Variants in CLOCK observed in about 807,000 individuals in gnomAD.
The protein encoded by CLOCK is circadian locomoter output cycles protein kaput.
A neutral mutation model predicts 118.4 loss-of-function variants in CLOCK; 43 were observed. That is an observed-to-expected ratio of 0.36 (90% CI 0.28 to 0.47). The LOEUF (loss-of-function observed/expected upper bound fraction) is 0.47. Ranked by LOEUF, CLOCK falls within the 20% of genes least tolerant of loss-of-function variation. The pLI, the probability that CLOCK is intolerant of heterozygous loss-of-function variation, is 1.00. For missense variants in CLOCK, 846 were observed against 999.9 expected (o/e 0.85, Z 2.08); for synonymous variants, 326 against 339.2 (o/e 0.96, Z 0.43).
intron 3 of CLOCK, among the ~76,000 whole-genome samples, chr4:55,484,095 T>C (rs938704109): frequency 6.6e-6 from 1 of 152,198 alleles, no homozygotes; most frequent in Non-Finnish European, 1.5e-5. Flanking sequence ...CAAATGCACC[T>C]TCATGAAAGG....
intron 3 of CLOCK, among the ~76,000 whole-genome samples, chr4:55,485,216 C>T (rs565964731): frequency 2.4e-4 from 37 of 152,306 alleles, no homozygotes; most frequent in African/African-American, 8.9e-4. Flanking sequence ...CCGCCTGCCT[C>T]AGCCTCCCAA....
intron 1 of CLOCK, among the ~76,000 whole-genome samples, chr4:55,538,329 T>C (rs1233525888): frequency 6.6e-6 from 1 of 152,176 alleles, no homozygotes; most frequent in East Asian, 1.9e-4. Flanking sequence ...ATGATGCCGA[T>C]ATTGGAAAAG....
intron 21 of CLOCK, among the ~76,000 whole-genome samples, chr4:55,440,733 G>A (rs113636843): frequency 0.017 from 2,576 of 152,226 alleles, 73 homozygotes; most frequent in African/African-American, 0.058. Context: ...ATGGCTCACT[G>A]GTAAATGTGA....
At chr4:55,512,278 T>C (rs1316383630) in intron 1 of CLOCK, among the ~76,000 whole-genome samples, 1 of 152,140 alleles carries the variant, frequency 6.6e-6, no homozygotes, top group East Asian at 1.9e-4. Context: ...TTTTCACCAT[T>C]CAAATATGTA....
intron 2 of CLOCK, among the ~76,000 whole-genome samples, chr4:55,495,590 C>G (rs996847938): frequency 2.6e-5 from 4 of 152,048 alleles, no homozygotes; most frequent in Non-Finnish European, 5.9e-5. Context: ...CATTCACAAA[C>G]CCCAGGATAA....
chr4:55,435,395 CAA>C lies in CLOCK; in HGVS notation c.*18_*19del, dbSNP rs763690727. The C allele has an allele frequency of 1.9e-6, 3 of 1,613,700 alleles. No homozygotes were observed. The South Asian group carries it at 3.3e-5, about 18-fold the overall frequency. On this transcript the variant is annotated 3_prime_UTR_variant, in exon 23 of 23. Coordinates refer to ENST00000513440, the MANE Select transcript of CLOCK (RefSeq NM_004898.4). ...GGCCATCCCCTTCCTCCCTTGATGT[CAA>C]GAGAGGAAGCACGTGTGCTACTGTG...
chr4:55,521,543 A>G (rs1729845644), intron 1 of CLOCK, among the ~76,000 whole-genome samples: 2 of 152,198 alleles, frequency 1.3e-5, no homozygotes, highest in Admixed American at 1.3e-4. Flanking sequence ...TATAGAGCTC[A>G]CCTTATAGAT....
Position 55,449,415 on chromosome 4 carries a change from C to T in CLOCK, c.1430G>A (p.Arg477Lys). ...GCTTACCTGACTACTAAATGATGAC[C>T]TTCTTTGCACCATCTTCTCATGAGC... ...LPAHEKMVQR[R>K]SSFSSQSINS... The change falls in exon 17 of 23, where the codon AGG (arginine) becomes AAG (lysine). Residue 477 changes from arginine (R) to lysine (K), a missense_variant. By Grantham distance (26) the Arg-to-Lys change is conservative. Transcript: ENST00000513440. 2 of 1,613,832 alleles carry T rather than the reference C, an allele frequency of 1.2e-6. No individual in the cohort carries two copies. The highest frequency in any genetic ancestry group is 1.7e-6 in the Non-Finnish European group (2 of 1,179,852).
rs115933076 is a variant in CLOCK at position 55,461,997 on chromosome 4, A to T, written c.559+1688T>A. Reference sequence around the variant, plus strand: ...AATGACCTACCAAATTTTCTAAGCAATTTTCTCTGTGTTTTAACTTGTGTT... The same window carrying T: ...AATGACCTACCAAATTTTCTAAGCATTTTTCTCTGTGTTTTAACTTGTGTT... On this transcript the variant is annotated intron_variant, in intron 9 of 22. Transcript: ENST00000513440. Among the ~76,000 whole-genome samples the T allele has an allele frequency of 6.4e-4, 97 of 152,084 alleles. No homozygotes were observed. In the Middle Eastern group the frequency reaches 0.01, roughly 16 times the overall value.
intron 1 of CLOCK, among the ~76,000 whole-genome samples, chr4:55,543,087 T>A (rs6853192): frequency 0.41 from 62,792 of 151,692 alleles, 14,518 homozygotes; most frequent in African/African-American, 0.62. Flanking sequence ...TAATTTTTTT[T>A]AAAAAAATTT....
In CLOCK at chr4:55,429,543, AG is replaced by A. The variant is rs1722378539; in HGVS notation, c.*5871del. On this transcript the variant is annotated 3_prime_UTR_variant, in exon 23 of 23. Coordinates refer to ENST00000513440, the MANE Select transcript of CLOCK (RefSeq NM_004898.4). ...AAAGACAGCAAACATTTTTTGTAGA[AG>A]TTTACAGCCTGTATACATTATTCCG... The A allele has an allele frequency of 6.6e-6, 1 of 152,232 alleles. No individual in the cohort carries two copies. Among genetic ancestry groups the A allele is most frequent in the Non-Finnish European group, 1.5e-5 (1 of 68,034 alleles). 9.4% of individuals were successfully genotyped at this position (152,232 alleles called of 1,614,324 possible).
chr4:55,484,259 T>C (rs990455438), intron 3 of CLOCK, among the ~76,000 whole-genome samples: 1 of 152,016 alleles, frequency 6.6e-6, no homozygotes, highest in Non-Finnish European at 1.5e-5. Flanking sequence ...GGCATGATCA[T>C]AGCTCACTGC....
intron 17 of CLOCK, among the ~76,000 whole-genome samples, chr4:55,449,075 C>A (rs1017823044): frequency 2.0e-5 from 3 of 151,934 alleles, no homozygotes; most frequent in African/African-American, 7.3e-5. Flanking sequence ...TCCTACAGTA[C>A]CTTGAACAAG....
chr4:55,479,720 AAAGT>A (rs769768670), intron 4 of CLOCK, 21 bp from the exon 5 acceptor site: 7 of 1,601,848 alleles, frequency 4.4e-6, no homozygotes, highest in Non-Finnish European at 6.0e-6. Context: ...GCGGATAGAG[AAAGT>A]AAGAGCAGAC....
chr4:55,524,651 T>C (rs1378307709), intron 1 of CLOCK, among the ~76,000 whole-genome samples: 2 of 152,220 alleles, frequency 1.3e-5, no homozygotes, highest in African/African-American at 2.4e-5. Context: ...GTGGTTCACA[T>C]AAAATTTCTA....
At chr4:55,503,657 A>T (rs1007719904) in intron 2 of CLOCK, among the ~76,000 whole-genome samples, 1 of 151,820 alleles carries the variant, frequency 6.6e-6, no homozygotes, top group African/African-American at 2.4e-5. Context: ...TTTAAATTTA[A>T]TTTTTTTTGG....
intron 8 of CLOCK, among the ~76,000 whole-genome samples, chr4:55,465,112 TG>T (rs1431603265): frequency 6.6e-6 from 1 of 152,222 alleles, no homozygotes; most frequent in African/African-American, 2.4e-5. Context: ...CAGCCAACCA[TG>T]GATCAAAACT....
chr4:55,462,899 T>C (rs1403455168), intron 9 of CLOCK, among the ~76,000 whole-genome samples: 2 of 152,036 alleles, frequency 1.3e-5, no homozygotes, highest in Non-Finnish European at 2.9e-5. Context: ...GCTATAGAAT[T>C]TGAGGATTCA....
intron 1 of CLOCK, among the ~76,000 whole-genome samples, chr4:55,544,773 A>C (rs1731498181): frequency 6.6e-6 from 1 of 152,124 alleles, no homozygotes; most frequent in African/African-American, 2.4e-5. Context: ...CTCATTTCCC[A>C]CCATTCCCTC....
Sources: allele counts gnomAD v4.1 joint callset (sites outside exome capture counted in the v4.1 genomes callset), GRCh38; gene constraint gnomAD v4.1.1; transcripts MANE v1.5; gene names NCBI Gene and HGNC (gene_info 2026-07-23, HGNC 2026-07-21).